IL1RL1: variants seen among roughly 807,000 people sequenced by gnomAD.
The protein encoded by IL1RL1 is interleukin-1 receptor-like 1.
IL1RL1 carries 32 observed loss-of-function variants against 50.9 expected under a neutral mutation model. The ratio of observed to expected loss-of-function variants is 0.63; its 90% CI spans 0.47 to 0.84. IL1RL1 has a LOEUF of 0.84. IL1RL1 is among the 40% of genes least tolerant of loss of function. The pLI is 0.00. For missense variants in IL1RL1, 773 were observed against 662.9 expected (o/e 1.17, Z -1.82); for synonymous variants, 275 against 236.0 (o/e 1.17, Z -1.51).
At chr2:102,334,355 T>A (rs1449136449) in intron 1 of IL1RL1, among the ~76,000 whole-genome samples, 1 of 151,898 alleles carries the variant, frequency 6.6e-6, no homozygotes, top group Non-Finnish European at 1.5e-5. Flanking sequence ...GAGGCTTGAG[T>A]GGGCCTAGAG....
chr2:102,337,726 C>T (rs1677379759), intron 1 of IL1RL1, among the ~76,000 whole-genome samples: 1 of 152,132 alleles, frequency 6.6e-6, no homozygotes, highest in South Asian at 2.1e-4. Context: ...TGTGAGCATG[C>T]TGCTACCAGC....
chr2:102,333,706 C>A (rs1677234074), intron 1 of IL1RL1, among the ~76,000 whole-genome samples: 1 of 152,012 alleles, frequency 6.6e-6, no homozygotes, highest in African/African-American at 2.4e-5. Flanking sequence ...GAATATTGTA[C>A]CCAGTAGGTA....
chr2:102,329,109 C>G (rs965325036), intron 1 of IL1RL1, among the ~76,000 whole-genome samples: 1 of 152,130 alleles, frequency 6.6e-6, no homozygotes, highest in Non-Finnish European at 1.5e-5. Context: ...CTACAGTAAC[C>G]AAAACAGCAT....
At position 102,313,800 on chromosome 2, in the gene IL1RL1, T is replaced by A. The variant is rs28488182; in HGVS notation, c.-150+2177T>A. Reference sequence around the variant, plus strand: ...CTTACAACAGTGGCGATGCCAACATTGTGGGAGCATGCATGTGTGTGTGCA... The same window carrying A: ...CTTACAACAGTGGCGATGCCAACATAGTGGGAGCATGCATGTGTGTGTGCA... On this transcript the variant is annotated intron_variant, in intron 1 of 10. Coordinates refer to ENST00000233954, the MANE Select transcript of IL1RL1 (RefSeq NM_016232.5). 5.6e-3 allele frequency among the ~76,000 whole-genome samples: 846 copies of A among 152,290 alleles called. 17 individuals carry two copies. The highest frequency in any genetic ancestry group is 0.02 in the African/African-American group (812 of 41,550).
intron 10 of IL1RL1, among the ~76,000 whole-genome samples, chr2:102,350,346 C>T (rs1215844431): frequency 1.3e-5 from 2 of 152,256 alleles, no homozygotes; most frequent in East Asian, 1.9e-4. Flanking sequence ...TCTAGTTACA[C>T]TTCTCCTCAG....
intron 1 of IL1RL1, among the ~76,000 whole-genome samples, chr2:102,320,227 G>A (rs1676798656): frequency 1.3e-5 from 2 of 152,182 alleles, no homozygotes; most frequent in Non-Finnish European, 2.9e-5. Flanking sequence ...TTAAGGTGGT[G>A]AGGTCAGTGC....
At chr2:102,334,568 C>A (rs1254811387) in intron 1 of IL1RL1, among the ~76,000 whole-genome samples, 1 of 151,164 alleles carries the variant, frequency 6.6e-6, no homozygotes, top group Non-Finnish European at 1.5e-5. Flanking sequence ...AAATGATACC[C>A]AGATGTCCTC....
intron 8 of IL1RL1, 108 bp from the exon 9 acceptor site, chr2:102,347,837 A>AT: frequency 1.5e-6 from 1 of 646,942 alleles, no homozygotes; most frequent in Non-Finnish European, 2.7e-6. Context: ...CCCAGTGGGT[A>AT]TATCTTATGT....
intron 1 of IL1RL1, among the ~76,000 whole-genome samples, chr2:102,333,922 T>C (rs1677239432): frequency 6.6e-6 from 1 of 152,182 alleles, no homozygotes. Context: ...TCTCATTCTT[T>C]TTATGGCTGA....
chr2:102,322,148 G>C (rs977785175), intron 1 of IL1RL1, among the ~76,000 whole-genome samples: 2 of 152,190 alleles, frequency 1.3e-5, no homozygotes, highest in Non-Finnish European at 2.9e-5. Flanking sequence ...TTGTAGTCTT[G>C]ACTCTGAATT....
chr2:102,350,960 G>A (rs774125084), intron 10 of IL1RL1, among the ~76,000 whole-genome samples: 16 of 152,124 alleles, frequency 1.1e-4, no homozygotes, highest in Non-Finnish European at 2.1e-4. Flanking sequence ...TGGTGTCTAC[G>A]CTGTATAAAT....
At chr2:102,343,520 G>C in intron 8 of IL1RL1, 105 bp downstream of exon 8, 1 of 1,598,942 alleles carries the variant, frequency 6.3e-7, no homozygotes. Flanking sequence ...GGAATGGCCT[G>C]TGCCATAAAA....
Position 102,348,033 on chromosome 2 carries a change from C to T in IL1RL1, c.1059C>T (p.Phe353=). Residue 353 remains phenylalanine, a synonymous_variant, in exon 9 of 11, where the codon TTC becomes TTT. Transcript: ENST00000233954. ...INVLVIILKM[F]WIEATLLWRD... ...TCCTGGTTATCATCCTAAAAATGTT[C>T]TGGATTGAGGCCACTCTGCTCTGGA... The T allele has an allele frequency of 6.2e-7, 1 of 1,610,354 alleles. No homozygotes were observed. The highest frequency in any genetic ancestry group is 8.5e-7 in the Non-Finnish European group (1 of 1,176,590).
chr2:102,324,511 A>T (rs1170053303), intron 1 of IL1RL1, among the ~76,000 whole-genome samples: 2 of 152,198 alleles, frequency 1.3e-5, no homozygotes, highest in African/African-American at 2.4e-5. Context: ...GGTGCAGGAC[A>T]GTGGGTGCAG....
chr2:102,349,671 A>T (rs915231038), intron 10 of IL1RL1, among the ~76,000 whole-genome samples: 3 of 152,218 alleles, frequency 2.0e-5, no homozygotes, highest in African/African-American at 4.8e-5. Context: ...AGTCTTCATG[A>T]CTTTCTTTAT....
At chr2:102,336,873 A>G (rs1281725779) in intron 1 of IL1RL1, among the ~76,000 whole-genome samples, 1 of 152,110 alleles carries the variant, frequency 6.6e-6, no homozygotes, top group African/African-American at 2.4e-5. Flanking sequence ...TCCTGGCACC[A>G]ATGCTGCCAA....
At chr2:102,323,495 AC>A (rs1236444267) in intron 1 of IL1RL1, among the ~76,000 whole-genome samples, 1 of 152,082 alleles carries the variant, frequency 6.6e-6, no homozygotes, top group Non-Finnish European at 1.5e-5. Context: ...AGACTGGGCA[AC>A]TGCATCTGGT....
chr2:102,328,847 A>G (rs1293363816), intron 1 of IL1RL1, among the ~76,000 whole-genome samples: 1 of 152,222 alleles, frequency 6.6e-6, no homozygotes, highest in Non-Finnish European at 1.5e-5. Context: ...GAGGATACAA[A>G]CAAATGGAAG....
chr2:102,351,453 C>A, intron 10 of IL1RL1, 83 bp from the exon 11 acceptor site: 2 of 1,252,488 alleles, frequency 1.6e-6, no homozygotes, highest in Non-Finnish European at 2.2e-6. Flanking sequence ...CAGATTATAA[C>A]AATAAGACTT....
Sources: gnomAD v4.1 joint callset for allele counts (sites outside exome capture counted in the v4.1 genomes callset) on GRCh38, gnomAD v4.1.1 for gene constraint, MANE v1.5 for transcripts, NCBI Gene and HGNC (gene_info 2026-07-23, HGNC 2026-07-21) for gene names.